Variants in DSCAML1 observed in about 807,000 individuals in gnomAD.
The protein encoded by DSCAML1 is cell adhesion molecule DSCAML1.
DSCAML1 carries 38 observed loss-of-function variants against 200.5 expected under a neutral mutation model. The observed-to-expected ratio is 0.19, with a 90% CI of 0.15 to 0.25. The LOEUF is 0.25. Ranked by LOEUF, DSCAML1 falls within the 10% of genes least tolerant of loss-of-function variation. The pLI, the probability that DSCAML1 is intolerant of heterozygous loss-of-function variation, is 1.00. For missense variants in DSCAML1, 2,223 were observed against 2,858.8 expected (o/e 0.78, Z 5.07); for synonymous variants, 1,215 against 1,165.0 (o/e 1.04, Z -0.87).
chr11:117,435,845 G>A (rs1473950387), intron 26 of DSCAML1, 46 bp from the exon 27 acceptor site: 1 of 1,572,146 alleles, frequency 6.4e-7, no homozygotes, highest in Non-Finnish European at 8.7e-7. Flanking sequence ...TATGAGCCAG[G>A]TGCTGTGCAG....
At position 117,518,263 on chromosome 11, in the gene DSCAML1, G is replaced by C. The variant is rs529739885; in HGVS notation, c.1510+203C>G. Reference sequence around the variant, plus strand: ...ATGGGGAGGTGAATGAGGGTGAACTGTACCAGACACACACACGCACACAAG... The same window carrying C: ...ATGGGGAGGTGAATGAGGGTGAACTCTACCAGACACACACACGCACACAAG... On this transcript the variant is annotated intron_variant, in intron 7 of 32. Transcript: ENST00000651296. This position sits in a 1 kb window ranked among gnomAD's most constrained non-coding sequence, Gnocchi z 6.3. Among the ~76,000 whole-genome samples, 1 of 152,094 alleles carries C rather than the reference G, an allele frequency of 6.6e-6. No homozygotes were observed. Among genetic ancestry groups the C allele is most frequent in the African/African-American group, 2.4e-5 (1 of 41,498 alleles).
chr11:117,659,329 T>C (rs1342717693), intron 3 of DSCAML1, among the ~76,000 whole-genome samples: 3 of 152,240 alleles, frequency 2.0e-5, no homozygotes, highest in Non-Finnish European at 4.4e-5. Context: ...ATAGCTAATA[T>C]AAATCTAACC....
chr11:117,773,947 C>T (rs1237755858), intron 3 of DSCAML1, among the ~76,000 whole-genome samples: 6 of 152,184 alleles, frequency 3.9e-5, no homozygotes, highest in African/African-American at 9.7e-5. Context: ...AGCATCGAGG[C>T]CACTTTCCTG....
At chr11:117,774,653 G>A (rs943124829) in intron 3 of DSCAML1, among the ~76,000 whole-genome samples, 1 of 152,122 alleles carries the variant, frequency 6.6e-6, no homozygotes, top group Non-Finnish European at 1.5e-5. Context: ...CCTTCCTAAA[G>A]CCAAAGGCCT....
At chr11:117,612,222 C>T (rs147688645) in intron 3 of DSCAML1, among the ~76,000 whole-genome samples, 5 of 152,326 alleles carry the variant, frequency 3.3e-5, no homozygotes, top group African/African-American at 9.6e-5. Flanking sequence ...CCAGAAAGAG[C>T]TCCACTGGGC....
At chr11:117,471,116 A>T (rs1232284420) in intron 15 of DSCAML1, among the ~76,000 whole-genome samples, 2 of 151,880 alleles carry the variant, frequency 1.3e-5, no homozygotes, top group Non-Finnish European at 2.9e-5. Flanking sequence ...GGTTATACTC[A>T]TTGTTTACCT....
intron 3 of DSCAML1, among the ~76,000 whole-genome samples, chr11:117,572,203 T>G (rs1366476699): frequency 6.6e-6 from 1 of 152,204 alleles, no homozygotes; most frequent in Admixed American, 6.5e-5. Flanking sequence ...AACCCTCTCT[T>G]GGGATCTGGA....
chr11:117,493,382 T>C (rs1395156620), intron 11 of DSCAML1, among the ~76,000 whole-genome samples: 2 of 150,964 alleles, frequency 1.3e-5, no homozygotes, highest in Admixed American at 6.6e-5. Context: ...AGTGGCACGA[T>C]CTTAGCTCAC....
intron 3 of DSCAML1, among the ~76,000 whole-genome samples, chr11:117,645,312 T>G (rs1185441752): frequency 1.3e-5 from 2 of 152,148 alleles, no homozygotes; most frequent in Non-Finnish European, 2.9e-5. Flanking sequence ...CATCCCTTTA[T>G]CTGAGGATCT....
At chr11:117,808,321 A>G (rs2055726259) in intron 1 of DSCAML1, among the ~76,000 whole-genome samples, 1 of 152,226 alleles carries the variant, frequency 6.6e-6, no homozygotes, top group South Asian at 2.1e-4. Flanking sequence ...ATCTGCCGAC[A>G]CATTCCTATG....
chr11:117,728,784 T>G lies in DSCAML1; in HGVS notation c.511+48007A>C, dbSNP rs185102855. Among the ~76,000 whole-genome samples, 486 of 152,278 alleles carry G rather than the reference T, an allele frequency of 3.2e-3. 3 individuals are homozygous for G. Among genetic ancestry groups the G allele is most frequent in the African/African-American group, 9.7e-3 (404 of 41,556 alleles). On this transcript the variant is annotated intron_variant, in intron 3 of 32. Transcript: ENST00000651296. ...ACCATAAAACATTATTGAAAGTAAT[T>G]AAAGAAGACATAAATAAATGGAAGG...
rs1293081018 is a variant in DSCAML1, at chr11:117,431,529, C to T, written c.5374+5G>A. Reference sequence around the variant, plus strand: ...TTCAGGATGCCAGCAGGGCCTTAGGCACACCTGTGTCCTGGGACAGGCTGG... The same window carrying T: ...TTCAGGATGCCAGCAGGGCCTTAGGTACACCTGTGTCCTGGGACAGGCTGG... On this transcript the variant is annotated splice_donor_5th_base_variant and intron_variant, in intron 31 of 32. Transcript: ENST00000651296. 1 of 1,555,246 alleles carries T rather than the reference C, an allele frequency of 6.4e-7. No homozygotes were observed. Among genetic ancestry groups the T allele is most frequent in the Non-Finnish European group, 8.7e-7 (1 of 1,147,064 alleles).
chr11:117,792,004 A>T (rs1006291682), intron 1 of DSCAML1, among the ~76,000 whole-genome samples: 1 of 152,236 alleles, frequency 6.6e-6, no homozygotes, highest in Non-Finnish European at 1.5e-5. Context: ...ATGTGAATGA[A>T]AGATTTGCCT....
At chr11:117,672,033 G>A (rs933931731) in intron 3 of DSCAML1, among the ~76,000 whole-genome samples, 5 of 150,692 alleles carry the variant, frequency 3.3e-5, no homozygotes, top group Non-Finnish European at 4.4e-5. Flanking sequence ...CCCGGGAGGC[G>A]GAGCTTACAG....
intron 3 of DSCAML1, among the ~76,000 whole-genome samples, chr11:117,675,240 C>T (rs2053187258): frequency 6.6e-6 from 1 of 152,184 alleles, no homozygotes; most frequent in Admixed American, 6.6e-5. Context: ...TTTAAACACA[C>T]ACACACAGAC....
intron 3 of DSCAML1, among the ~76,000 whole-genome samples, chr11:117,572,904 CGGGGGCAGA>C (rs1798013839): frequency 1.3e-5 from 2 of 152,276 alleles, no homozygotes; most frequent in African/African-American, 4.8e-5. Flanking sequence ...AGGCATCGCC[CGGGGGCAGA>C]GGGAGAGGAG....
intron 3 of DSCAML1, among the ~76,000 whole-genome samples, chr11:117,616,580 A>G (rs1326539239): frequency 6.6e-6 from 1 of 152,246 alleles, no homozygotes; most frequent in African/African-American, 2.4e-5. Flanking sequence ...AGGTTGAGCA[A>G]AAGAAGCCAG....
chr11:117,687,156 C>G (rs764686834), intron 3 of DSCAML1, among the ~76,000 whole-genome samples: 1 of 151,978 alleles, frequency 6.6e-6, no homozygotes, highest in Non-Finnish European at 1.5e-5. Context: ...GGAGGAGAGG[C>G]CAGAGCGGGA....
At chr11:117,806,434 T>C (rs2055707686) in intron 1 of DSCAML1, among the ~76,000 whole-genome samples, 1 of 152,222 alleles carries the variant, frequency 6.6e-6, no homozygotes, top group Non-Finnish European at 1.5e-5. Flanking sequence ...AACTCTGAGC[T>C]GAACTGGCGG....
Sources: allele counts gnomAD v4.1 joint callset (sites outside exome capture counted in the v4.1 genomes callset), GRCh38; gene constraint gnomAD v4.1.1; non-coding constraint Gnocchi (gnomAD v3.1); transcripts MANE v1.5; gene names NCBI Gene and HGNC (gene_info 2026-07-23, HGNC 2026-07-21).